Variants in RORA observed in about 807,000 individuals in gnomAD.
RORA encodes RAR related orphan receptor A.
Under a neutral mutation model 69.5 loss-of-function variants are expected in RORA, and 7 were observed. That is an observed-to-expected ratio of 0.10 (90% CI 0.06 to 0.19). RORA has a LOEUF of 0.19. Among genes scored for constraint, RORA ranks in the 10% least tolerant of loss-of-function variants. The pLI is 1.00. For synonymous variants in RORA, 261 were observed against 240.8 expected, an observed-to-expected ratio of 1.08 and a Z score of -0.78; for missense variants, 457 against 663.0, an observed-to-expected ratio of 0.69 and a Z score of 3.41.
At chr15:60,637,700 G>C (rs1331480518) in intron 2 of RORA, among the ~76,000 whole-genome samples, 1 of 152,044 alleles carries the variant, frequency 6.6e-6, no homozygotes, top group Non-Finnish European at 1.5e-5. Flanking sequence ...TGACACATAT[G>C]CAAGATTCTT....
intron 1 of RORA, among the ~76,000 whole-genome samples, chr15:61,143,678 G>T (rs1251316631): frequency 6.6e-6 from 1 of 152,208 alleles, no homozygotes; most frequent in Non-Finnish European, 1.5e-5. Context: ...GAAAATGGTG[G>T]ATTGTCTAAT....
At chr15:60,680,543 C>G (rs1303750860) in intron 1 of RORA, among the ~76,000 whole-genome samples, 1 of 152,060 alleles carries the variant, frequency 6.6e-6, no homozygotes, top group East Asian at 1.9e-4. Context: ...GGAGCTAAAA[C>G]TTTTCATTAT....
intron 1 of RORA, among the ~76,000 whole-genome samples, chr15:61,104,999 C>CT (rs1041199426): frequency 1.4e-5 from 2 of 142,522 alleles, no homozygotes; most frequent in African/African-American, 5.0e-5. Context: ...TGAGGCGCCC[C>CT]CCCCACCGCC....
At chr15:61,202,553 C>T (rs1475442801) in intron 1 of RORA, among the ~76,000 whole-genome samples, 8 of 152,118 alleles carry the variant, frequency 5.3e-5, no homozygotes, top group Non-Finnish European at 1.5e-5. Context: ...TCTACACATA[C>T]CCTAGGAGGG....
In RORA at chr15:61,108,658, CA is replaced by C. The variant is rs139372090; in HGVS notation, c.166+120394del. On this transcript the variant is annotated intron_variant, in intron 1 of 10. Coordinates refer to ENST00000335670, the MANE Select transcript of RORA (RefSeq NM_134261.3). Reference sequence around the variant, plus strand: ...CCATTACCACTAAAATGCACAGTATCAAAATTACTACTCTAAGGTTTGAGGA... The same window carrying C: ...CCATTACCACTAAAATGCACAGTATCAAATTACTACTCTAAGGTTTGAGGA... 1.3e-3 allele frequency among the ~76,000 whole-genome samples: 195 copies of C among 152,292 alleles called. 6 individuals are homozygous for C. In the East Asian group the frequency reaches 0.034, roughly 27 times the overall value.
intron 1 of RORA, among the ~76,000 whole-genome samples, chr15:60,687,683 A>T (rs1050772665): frequency 7.9e-5 from 12 of 152,206 alleles, no homozygotes; most frequent in Non-Finnish European, 5.9e-5. Flanking sequence ...GAACCCAGGA[A>T]GTAGAGGTTG....
intron 1 of RORA, among the ~76,000 whole-genome samples, chr15:60,919,691 C>A (rs1271262875): frequency 6.6e-6 from 1 of 152,198 alleles, no homozygotes; most frequent in Non-Finnish European, 1.5e-5. Context: ...AATGAGAAAT[C>A]TGAAGTCCAC....
At position 60,653,022 on chromosome 15, in the gene RORA, A is replaced by T. The variant is rs369966867; in HGVS notation, c.196+25635T>A. Reference sequence around the variant, plus strand: ...CAACAACAGAGTTCACTTCATAATCACCAGACTTCAGCCCGTAAGCGTGAT... The same window carrying T: ...CAACAACAGAGTTCACTTCATAATCTCCAGACTTCAGCCCGTAAGCGTGAT... On this transcript the variant is annotated intron_variant, in intron 2 of 10. Coordinates refer to ENST00000335670, the MANE Select transcript of RORA (RefSeq NM_134261.3). Among the ~76,000 whole-genome samples, 5 of 152,212 alleles carry T rather than the reference A, an allele frequency of 3.3e-5. No homozygotes were observed. The East Asian group carries it at 5.8e-4, about 18-fold the overall frequency.
At chr15:60,772,620 A>G (rs2072095118) in intron 1 of RORA, among the ~76,000 whole-genome samples, 1 of 152,210 alleles carries the variant, frequency 6.6e-6, no homozygotes, top group African/African-American at 2.4e-5. Flanking sequence ...AAGTAAAGCA[A>G]GACGTCTACT....
intron 2 of RORA, among the ~76,000 whole-genome samples, chr15:60,658,041 C>T (rs1411274437): frequency 1.3e-5 from 2 of 152,010 alleles, no homozygotes; most frequent in Non-Finnish European, 1.5e-5. Context: ...AAAGGAAAAG[C>T]GGGGAGTGGC....
chr15:61,142,723 C>T (rs1177025861), intron 1 of RORA, among the ~76,000 whole-genome samples: 1 of 152,172 alleles, frequency 6.6e-6, no homozygotes, highest in Non-Finnish European at 1.5e-5. Context: ...TTACCTCTGT[C>T]ATTCATAATA....
intron 1 of RORA, among the ~76,000 whole-genome samples, chr15:60,891,033 C>T (rs960151823): frequency 2.0e-5 from 3 of 152,134 alleles, no homozygotes; most frequent in Admixed American, 6.5e-5. Context: ...GGACCCACAC[C>T]ACAGCTAATG....
chr15:60,944,534 T>G (rs1595834914), intron 1 of RORA, among the ~76,000 whole-genome samples: 2 of 151,922 alleles, frequency 1.3e-5, no homozygotes, highest in African/African-American at 4.8e-5. Flanking sequence ...TTGGGCAACA[T>G]AGTGAAACCC....
intron 1 of RORA, among the ~76,000 whole-genome samples, chr15:60,935,845 C>T (rs1216050785): frequency 6.6e-6 from 1 of 152,256 alleles, no homozygotes; most frequent in Admixed American, 6.5e-5. Context: ...GCAGACAAGT[C>T]ATTCCTAAGA....
intron 1 of RORA, among the ~76,000 whole-genome samples, chr15:60,761,935 G>GAA (rs1055600463): frequency 7.0e-6 from 1 of 143,682 alleles, no homozygotes; most frequent in African/African-American, 2.5e-5. Flanking sequence ...AGTTGGTAAT[G>GAA]AAAAAAAAAA....
chr15:60,960,056 T>C (rs911716257), intron 1 of RORA, among the ~76,000 whole-genome samples: 1 of 152,022 alleles, frequency 6.6e-6, no homozygotes, highest in Non-Finnish European at 1.5e-5. Context: ...ATTTTTTTTG[T>C]GTGTGTGTGG....
chr15:61,117,738 G>C (rs1596003569), intron 1 of RORA, among the ~76,000 whole-genome samples: 1 of 152,170 alleles, frequency 6.6e-6, no homozygotes, highest in South Asian at 2.1e-4. Flanking sequence ...TACTGTACTG[G>C]AGCTTCTGAA....
intron 1 of RORA, among the ~76,000 whole-genome samples, chr15:60,987,151 A>G (rs1369946860): frequency 6.6e-6 from 1 of 152,142 alleles, no homozygotes; most frequent in Non-Finnish European, 1.5e-5. Context: ...TGATGCTCAG[A>G]ACAGATTTCA....
At chr15:60,935,600 G>C (rs190956365) in intron 1 of RORA, among the ~76,000 whole-genome samples, 1 of 152,344 alleles carries the variant, frequency 6.6e-6, no homozygotes, top group East Asian at 1.9e-4. Flanking sequence ...TCATTGTCGA[G>C]AGTCTATAAA....
Sources: gnomAD v4.1 joint callset for allele counts (sites outside exome capture counted in the v4.1 genomes callset) on GRCh38, gnomAD v4.1.1 for gene constraint, MANE v1.5 for transcripts, NCBI Gene and HGNC (gene_info 2026-07-23, HGNC 2026-07-21) for gene names.